The following FGF13 variants were observed in gnomAD, a reference collection of about 807,000 sequenced individuals.
The protein encoded by FGF13 is fibroblast growth factor homologous factor 2.
A neutral mutation model predicts 19.5 loss-of-function variants in FGF13; 2 were observed. The ratio of observed to expected loss-of-function variants is 0.10; its 90% CI spans 0.04 to 0.32. The LOEUF is 0.32. Ranked by LOEUF, FGF13 falls within the 10% of genes least tolerant of loss-of-function variation. The pLI, the probability that FGF13 is intolerant of heterozygous loss-of-function variation, is 1.00. For missense variants in FGF13, 113 were observed against 192.7 expected, an observed-to-expected ratio of 0.59 and a Z score of 2.45; for synonymous variants, 72 against 76.9, an observed-to-expected ratio of 0.94 and a Z score of 0.33.
chrX:138,707,908 C>G (rs1431086400), intron 2 of FGF13, among the ~76,000 whole-genome samples: 1 of 112,421 alleles, frequency 8.9e-6, no homozygotes, highest in Non-Finnish European at 1.9e-5. Context: ...GCTTAGCATT[C>G]AGACCTAGTT....
chrX:139,024,201 C>T (rs1393299163), intron 1 of FGF13, among the ~76,000 whole-genome samples: 1 of 111,352 alleles, frequency 9.0e-6, no homozygotes, highest in Admixed American at 9.6e-5. Context: ...GACCAAAAGT[C>T]TCCCCTGTAA....
rs769018567 is a variant in FGF13, at chrX:138,813,751, G to T, written c.217+43761C>A. ...GAATTTTCTCCACTTGTTGAGTTTAGGTTGATCATTCCAGACTGTTAAGAT... is the reference window on the plus strand; with the variant it reads ...GAATTTTCTCCACTTGTTGAGTTTATGTTGATCATTCCAGACTGTTAAGAT... On this transcript the variant is annotated intron_variant, in intron 3 of 6. Transcript: ENST00000436198. 1.3e-4 allele frequency among the ~76,000 whole-genome samples: 14 copies of T among 111,826 alleles called. No individual in the cohort carries two copies. The East Asian group carries it at 4.0e-3, about 32-fold the overall frequency.
chrX:139,043,493 G>A (rs1268143578), intron 1 of FGF13, among the ~76,000 whole-genome samples: 2 of 111,039 alleles, frequency 1.8e-5, no homozygotes, highest in Non-Finnish European at 3.8e-5. Flanking sequence ...GATTACAGGT[G>A]TGAGCCACCG....
chrX:138,782,437 C>A (rs1238755845), intron 3 of FGF13, among the ~76,000 whole-genome samples: 2 of 110,830 alleles, frequency 1.8e-5, no homozygotes, highest in East Asian at 5.7e-4. Context: ...CCAAAATCTC[C>A]TTAAGCTGAT....
chrX:139,010,091 C>T (rs1392765440), intron 1 of FGF13, among the ~76,000 whole-genome samples: 4 of 111,617 alleles, frequency 3.6e-5, no homozygotes, highest in Non-Finnish European at 7.5e-5. Context: ...AGGACTAGTG[C>T]AAGAGGAAAA....
chrX:139,124,203 A>G (rs1270404062), intron 1 of FGF13, among the ~76,000 whole-genome samples: 3 of 112,414 alleles, frequency 2.7e-5, no homozygotes, highest in Non-Finnish European at 5.6e-5. Flanking sequence ...TGTGGCTAAT[A>G]AACTGCTGTC....
At chrX:139,006,477 G>C (rs2092101626) in intron 1 of FGF13, among the ~76,000 whole-genome samples, 1 of 111,526 alleles carries the variant, frequency 9.0e-6, no homozygotes, top group African/African-American at 3.3e-5. Context: ...TGAGCAATAA[G>C]AAATCAACTG....
intron 1 of FGF13, among the ~76,000 whole-genome samples, chrX:138,973,713 T>C (rs1414056852): frequency 8.9e-6 from 1 of 112,288 alleles, no homozygotes; most frequent in African/African-American, 3.2e-5. Context: ...TTGTATCTTC[T>C]TTCTGTATTC....
intron 3 of FGF13, among the ~76,000 whole-genome samples, chrX:138,662,799 G>A (rs922094486): frequency 8.1e-5 from 9 of 111,504 alleles, no homozygotes; most frequent in African/African-American, 2.9e-4. Context: ...CCATTCTCTC[G>A]AGGTCCACCA....
intron 3 of FGF13, among the ~76,000 whole-genome samples, chrX:138,847,736 G>A (rs2091193294): frequency 8.9e-6 from 1 of 112,136 alleles, no homozygotes; most frequent in Admixed American, 9.5e-5. Flanking sequence ...AACATGGATA[G>A]CAATTAAAGC....
At chrX:138,766,105 C>A (rs2090500551) in intron 3 of FGF13, among the ~76,000 whole-genome samples, 1 of 112,179 alleles carries the variant, frequency 8.9e-6, no homozygotes, top group South Asian at 3.7e-4. Context: ...CCCACTGTAG[C>A]CTGTACCTTT....
At chrX:139,046,564 T>C (rs1212875177) in intron 1 of FGF13, among the ~76,000 whole-genome samples, 2 of 111,366 alleles carry the variant, frequency 1.8e-5, no homozygotes, top group Admixed American at 1.9e-4. Flanking sequence ...TCCTGATGTC[T>C]GGACTTGAGA....
intron 1 of FGF13, among the ~76,000 whole-genome samples, chrX:139,009,676 C>T (rs1343786975): frequency 9.0e-6 from 1 of 111,266 alleles, no homozygotes; most frequent in Non-Finnish European, 1.9e-5. Flanking sequence ...AACAAATCCT[C>T]AAAAAACCCC....
chrX:139,108,734 C>A (rs1252565161), intron 1 of FGF13, among the ~76,000 whole-genome samples: 1 of 109,788 alleles, frequency 9.1e-6, no homozygotes, highest in African/African-American at 3.3e-5. Flanking sequence ...TTGTTACATA[C>A]GTAAATGTGT....
At chrX:138,990,958 G>A (rs10127201) in intron 1 of FGF13, among the ~76,000 whole-genome samples, 5,398 of 111,870 alleles carry the variant, frequency 0.048, 303 homozygotes, top group African/African-American at 0.17. Context: ...CAGATCATAC[G>A]CTGGATTCTA....
chrX:138,694,986 A>AACACACAC (rs745359063), intron 3 of FGF13, among the ~76,000 whole-genome samples: 39 of 84,760 alleles, frequency 4.6e-4, no homozygotes, highest in East Asian at 3.0e-3. Context: ...TACTAGTTGA[A>AACACACAC]ACACACACAC....
intron 1 of FGF13, among the ~76,000 whole-genome samples, chrX:139,165,167 C>T (rs1244518081): frequency 3.6e-5 from 4 of 112,067 alleles, no homozygotes; most frequent in East Asian, 2.8e-4. Flanking sequence ...ACAGTTGCAA[C>T]GAACTTGGCA....
intron 1 of FGF13, among the ~76,000 whole-genome samples, chrX:139,175,410 T>C (rs2084172591): frequency 8.9e-6 from 1 of 112,253 alleles, no homozygotes; most frequent in African/African-American, 3.2e-5. Context: ...TCTTGCCTGA[T>C]TGCCCTGGCC....
upstream of FGF13, chrX:139,204,205 C>G (rs956460211): frequency 7.5e-6 from 6 of 798,516 alleles, no homozygotes; most frequent in African/African-American, 8.1e-5. Flanking sequence ...GTCTCGACCA[C>G]GAGCTCCCCT....
Sources: allele counts gnomAD v4.1 joint callset (sites outside exome capture counted in the v4.1 genomes callset), GRCh38; gene constraint gnomAD v4.1.1; transcripts MANE v1.5; gene names NCBI Gene and HGNC (gene_info 2026-07-23, HGNC 2026-07-21).